The following ABCB11 variants were observed in gnomAD, a reference collection of about 807,000 sequenced individuals.
ABCB11 encodes bile salt export pump.
ABCB11 carries 95 observed loss-of-function variants against 148.0 expected under a neutral mutation model. The observed-to-expected ratio is 0.64, with a 90% CI of 0.54 to 0.76. The LOEUF (loss-of-function observed/expected upper bound fraction) is 0.76, where lower values mean the gene tolerates loss of function less well. ABCB11 is among the 30% of genes least tolerant of loss of function. The pLI, the probability that ABCB11 is intolerant of heterozygous loss-of-function variation, is 0.00. For synonymous variants in ABCB11, 591 were observed against 555.4 expected (o/e 1.06, Z -0.90); for missense variants, 1,523 against 1,617.8 (o/e 0.94, Z 1.01).
At chr2:168,957,710 T>A (rs1692859582) in intron 19 of ABCB11, among the ~76,000 whole-genome samples, 1 of 151,634 alleles carries the variant, frequency 6.6e-6, no homozygotes, top group African/African-American at 2.4e-5. Context: ...TAACACAAAA[T>A]TTTCAGTGAC....
At chr2:168,966,952 C>T (rs993148324) in intron 17 of ABCB11, among the ~76,000 whole-genome samples, 1 of 151,860 alleles carries the variant, frequency 6.6e-6, no homozygotes. Context: ...AAATGGTTAA[C>T]TAGTTCTAAT....
rs1691061558 is a variant in ABCB11, at chr2:168,921,063, T to C, written c.*2559A>G. The stretch of plus-strand genomic sequence containing the variant: ...CCAAAACAAGAGCTTTAGTCTTTCA[T>C]CAAAATTAGAGGATTAGCATGCATT... On this transcript the variant is annotated 3_prime_UTR_variant, in exon 28 of 28. Coordinates refer to ENST00000650372, the MANE Select transcript of ABCB11 (RefSeq NM_003742.4). Among the ~76,000 whole-genome samples, 1 of 152,236 alleles carries C rather than the reference T, an allele frequency of 6.6e-6. No homozygotes were observed. Among genetic ancestry groups the C allele is most frequent in the Non-Finnish European group, 1.5e-5 (1 of 68,040 alleles).
chr2:169,016,648 G>A, intron 3 of ABCB11, 130 bp downstream of exon 3: 1 of 747,468 alleles, frequency 1.3e-6, no homozygotes, highest in Non-Finnish European at 2.2e-6. Context: ...AAGAGAAAAA[G>A]AATGGATTGT....
In ABCB11 at chr2:168,927,057, G is replaced by T. The variant is rs114932341; in HGVS notation, c.3618+99C>A. Reference sequence around the variant, plus strand: ...TTGAATTTTGGAACATTTTGGATTTGGGATTTTCAGATTAGGGATGCTCAA... The same window carrying T: ...TTGAATTTTGGAACATTTTGGATTTTGGATTTTCAGATTAGGGATGCTCAA... On this transcript the variant is annotated intron_variant, in intron 26 of 27. Transcript: ENST00000650372. The T allele has an allele frequency of 0.046, 54,401 of 1,189,156 alleles. 1,465 individuals carry two copies. The highest frequency in any genetic ancestry group is 0.099 in the Middle Eastern group (339 of 3,440). 73.7% of individuals were successfully genotyped at this position (1,189,156 alleles called of 1,614,324 possible).
At position 168,923,473 on chromosome 2, in the gene ABCB11, T is replaced by C. The variant is rs1158429952; in HGVS notation, c.*149A>G. ...CATTAGAAATTAGCTTGGATTCCGATGTAGGAAAATGACTGTAAAAGTAAA... is the reference window on the plus strand; with the variant it reads ...CATTAGAAATTAGCTTGGATTCCGACGTAGGAAAATGACTGTAAAAGTAAA... On this transcript the variant is annotated 3_prime_UTR_variant, in exon 28 of 28. Coordinates refer to ENST00000650372, the MANE Select transcript of ABCB11 (RefSeq NM_003742.4). The C allele has an allele frequency of 1.6e-5, 11 of 700,716 alleles. No individual in the cohort carries two copies. The highest frequency in any genetic ancestry group is 2.2e-5 in the Non-Finnish European group (9 of 417,162). The allele number at this position is 700,716 out of a possible 1,614,324, so 43.4% of individuals were successfully genotyped here. A position where few individuals can be genotyped will look rare whatever the true frequency, so the allele number is the denominator to read the frequency against.
chr2:168,935,269 T>A lies in ABCB11; in HGVS notation c.2971A>T (p.Ile991Phe). The change falls in exon 23 of 28, where the codon ATC becomes TTC. Residue 991 changes from isoleucine (I) to phenylalanine (F), a missense_variant. Coordinates refer to ENST00000650372, the MANE Select transcript of ABCB11 (RefSeq NM_003742.4). ...GAAGCAGAATTCGCAATAAACATGA[T>A]GCACTGGGCAAAGGCAAAGCAGAAT... ...YGFCFAFAQC[I>F]MFIANSASYR... 6.2e-7 allele frequency: 1 copy of A among 1,614,014 alleles called. No homozygotes were observed. The highest frequency in any genetic ancestry group is 8.5e-7 in the Non-Finnish European group (1 of 1,179,888).
At chr2:168,930,479 CATT>C (rs1415210999) in intron 25 of ABCB11, among the ~76,000 whole-genome samples, 183 bp downstream of exon 25, 1 of 152,206 alleles carries the variant, frequency 6.6e-6, no homozygotes, top group Non-Finnish European at 1.5e-5. Flanking sequence ...GAAAATCTGA[CATT>C]AGAAATTGTG....
chr2:168,950,881 G>C (rs530962783), intron 19 of ABCB11, among the ~76,000 whole-genome samples: 1 of 151,600 alleles, frequency 6.6e-6, no homozygotes, highest in South Asian at 2.1e-4. Flanking sequence ...GTTTTTCCTA[G>C]GTTTTCTTCT....
At chr2:169,013,538 T>C (rs1260071813) in intron 4 of ABCB11, 28 bp from the exon 5 acceptor site, 1 of 1,584,650 alleles carries the variant, frequency 6.3e-7, no homozygotes, top group Non-Finnish European at 8.7e-7. Context: ...TCAGAGATCA[T>C]CTATGGGTGA....
In ABCB11 at chr2:168,970,093, T is replaced by C; in HGVS notation, c.1761A>G (p.Ser587=). ...PKILLLDMAT[S]ALDNESEAMV... is the part of the protein sequence containing the mutation. ...TGGCTTCACTCTCATTGTCCAGAGC[T>C]GAGGTGGCCATGTCCAAAAGCAGAA... The change falls in exon 15 of 28, where the codon TCA becomes TCG. Residue 587 remains serine (S), a synonymous_variant. Coordinates refer to ENST00000650372, the MANE Select transcript of ABCB11 (RefSeq NM_003742.4). 4 of 1,612,988 alleles carry C rather than the reference T, an allele frequency of 2.5e-6. No individual in the cohort carries two copies. The highest frequency in any genetic ancestry group is 3.4e-6 in the Non-Finnish European group (4 of 1,179,282).
chr2:168,970,504 G>A (rs1574448833), intron 14 of ABCB11: 1 of 670,394 alleles, frequency 1.5e-6, no homozygotes, highest in East Asian at 4.4e-5. Context: ...ATAAAAATTG[G>A]TCACGGTCCT....
chr2:168,940,324 C>T (rs1252842481), intron 21 of ABCB11, among the ~76,000 whole-genome samples: 1 of 152,056 alleles, frequency 6.6e-6, no homozygotes. Context: ...ATTAAAAGTG[C>T]TATTCTAGTG....
At chr2:168,920,504 A>G (rs1306748288), downstream of ABCB11, among the ~76,000 whole-genome samples, 3 of 149,106 alleles carry the variant, frequency 2.0e-5, no homozygotes, top group Admixed American at 6.7e-5. Flanking sequence ...TTTTTGTTTT[A>G]CTTTCAGAGA....
At chr2:169,030,764 A>G (rs988421513) in intron 1 of ABCB11, among the ~76,000 whole-genome samples, 1 of 152,184 alleles carries the variant, frequency 6.6e-6, no homozygotes, top group Non-Finnish European at 1.5e-5. Context: ...AGAAATGAGT[A>G]CGGTGTTGGA....
intron 5 of ABCB11, among the ~76,000 whole-genome samples, chr2:169,010,094 T>C (rs1695136624): frequency 6.6e-6 from 1 of 152,172 alleles, no homozygotes; most frequent in Admixed American, 6.5e-5. Context: ...CTGGCAATAT[T>C]CACACTTGTT....
intron 12 of ABCB11, among the ~76,000 whole-genome samples, chr2:168,974,560 C>T (rs1693730783): frequency 6.6e-6 from 1 of 151,990 alleles, no homozygotes. Flanking sequence ...TACATTTTCA[C>T]TTACTGGCCT....
intron 5 of ABCB11, among the ~76,000 whole-genome samples, chr2:169,005,473 T>C (rs781004143): frequency 1.3e-5 from 2 of 151,908 alleles, no homozygotes; most frequent in African/African-American, 2.4e-5. Context: ...ACTAGGGAAG[T>C]GGGGGAAAGC....
At chr2:169,018,292 A>G (rs1695426263) in intron 1 of ABCB11, 140 bp from the exon 2 acceptor site, 2 of 720,624 alleles carry the variant, frequency 2.8e-6, no homozygotes, top group Non-Finnish European at 4.5e-6. Flanking sequence ...AAATCGGTTA[A>G]TAACTCCCTG....
At position 168,921,855 on chromosome 2, in the gene ABCB11, T is replaced by G. The variant is rs1691083604; in HGVS notation, c.*1767A>C. Among the ~76,000 whole-genome samples the G allele has an allele frequency of 7.0e-6, 1 of 143,536 alleles. No individual in the cohort carries two copies. Among genetic ancestry groups the G allele is most frequent in the Non-Finnish European group, 1.5e-5 (1 of 67,696 alleles). The allele number at this position is 143,536 out of a possible 152,430, so 94.2% of individuals were successfully genotyped here. On this transcript the variant is annotated 3_prime_UTR_variant, in exon 28 of 28. Transcript: ENST00000650372. Reference sequence around the variant, plus strand: ...ACGGAGTCCTTGACCTCTTTTCTTTTTCTTTTTCTTTTTTTTTTTTTTTCG... The same window carrying G: ...ACGGAGTCCTTGACCTCTTTTCTTTGTCTTTTTCTTTTTTTTTTTTTTTCG...
Sources: gnomAD v4.1 joint callset for allele counts (sites outside exome capture counted in the v4.1 genomes callset) on GRCh38, gnomAD v4.1.1 for gene constraint, MANE v1.5 for transcripts, NCBI Gene and HGNC (gene_info 2026-07-23, HGNC 2026-07-21) for gene names.